GPALPP1: variants seen among roughly 807,000 people sequenced by gnomAD.
The protein encoded by GPALPP1 is GPALPP motifs-containing protein 1.
GPALPP1 carries 30 observed loss-of-function variants against 38.9 expected under a neutral mutation model. The observed-to-expected ratio is 0.77, with a 90% CI of 0.58 to 1.05. The LOEUF is 1.05. Among genes scored for constraint, GPALPP1 ranks in the 50% least tolerant of loss-of-function variants. The pLI is 0.00. For missense variants in GPALPP1, 384 were observed against 408.8 expected (o/e 0.94, Z 0.52); for synonymous variants, 120 against 139.2 (o/e 0.86, Z 0.97).
At chr13:44,994,998 G>A (rs531125379) in intron 1 of GPALPP1, among the ~76,000 whole-genome samples, 9 of 151,910 alleles carry the variant, frequency 5.9e-5, no homozygotes, top group South Asian at 4.2e-4. Context: ...GGATACAGGC[G>A]TGCACCACCA....
intron 7 of GPALPP1, among the ~76,000 whole-genome samples, chr13:45,024,262 CTG>C (rs34572145): frequency 0.18 from 4,280 of 23,702 alleles, 690 homozygotes; most frequent in African/African-American, 0.34. Flanking sequence ...CCCTAAAACT[CTG>C]TGTGTGTGTG....
At chr13:45,016,017 A>C (rs1874843222) in intron 6 of GPALPP1, among the ~76,000 whole-genome samples, 1 of 152,142 alleles carries the variant, frequency 6.6e-6, no homozygotes, top group South Asian at 2.1e-4. Context: ...ATTTTAGAAA[A>C]AAAAAACAAA....
chr13:45,028,593 G>A lies in GPALPP1; in HGVS notation c.*590G>A, dbSNP rs4942383. 140,521 of 152,424 alleles carry A rather than the reference G, an allele frequency of 0.92. 65,398 individuals are homozygous for A. The highest frequency in any genetic ancestry group is 1 in the East Asian group (5,182 of 5,184). 9.4% of individuals were successfully genotyped at this position (152,424 alleles called of 1,614,324 possible). A position where few individuals can be genotyped will look rare whatever the true frequency, so the allele number is the denominator to read the frequency against. ...AGCCTGCTTAAGATGGTGAGACCCCGTATCTACAAAAAACTAACCAGGTGC... is the reference window on the plus strand; with the variant it reads ...AGCCTGCTTAAGATGGTGAGACCCCATATCTACAAAAAACTAACCAGGTGC... On this transcript the variant is annotated 3_prime_UTR_variant, in exon 8 of 8. Coordinates refer to ENST00000379151, the MANE Select transcript of GPALPP1 (RefSeq NM_018559.5).
chr13:44,992,815 A>G (rs908534560), intron 1 of GPALPP1, among the ~76,000 whole-genome samples: 4 of 152,186 alleles, frequency 2.6e-5, no homozygotes, highest in Non-Finnish European at 5.9e-5. Context: ...TGTCATATTA[A>G]CCATTTGTAA....
chr13:44,997,663 A>G (rs1462761596), intron 1 of GPALPP1, among the ~76,000 whole-genome samples: 1 of 152,110 alleles, frequency 6.6e-6, no homozygotes, highest in Non-Finnish European at 1.5e-5. Flanking sequence ...TTTGTTTTTT[A>G]ACCTCATTGA....
intron 1 of GPALPP1, among the ~76,000 whole-genome samples, chr13:44,996,018 A>C (rs1873243269): frequency 6.6e-6 from 1 of 152,194 alleles, no homozygotes; most frequent in Non-Finnish European, 1.5e-5. Flanking sequence ...TACCCAGCAC[A>C]AAGTGGGTAC....
intron 7 of GPALPP1, among the ~76,000 whole-genome samples, chr13:45,025,680 G>C (rs1449828171): frequency 1.3e-5 from 2 of 152,108 alleles, no homozygotes; most frequent in Non-Finnish European, 2.9e-5. Flanking sequence ...ATTGTTACCA[G>C]TGTTGAAAGC....
chr13:44,991,560 A>T (rs1004640073), intron 1 of GPALPP1, among the ~76,000 whole-genome samples: 1 of 152,216 alleles, frequency 6.6e-6, no homozygotes, highest in Non-Finnish European at 1.5e-5. Flanking sequence ...CCCTGCTATA[A>T]TTCCATTCCC....
chr13:44,991,877 G>A (rs556477533), intron 1 of GPALPP1, among the ~76,000 whole-genome samples: 1 of 152,316 alleles, frequency 6.6e-6, no homozygotes, highest in Admixed American at 6.5e-5. Context: ...CATTCATGTA[G>A]ATTAGCATTA....
At chr13:45,018,976 AAT>A (rs367811904) in intron 6 of GPALPP1, among the ~76,000 whole-genome samples, 1 of 49,616 alleles carries the variant, frequency 2.0e-5, no homozygotes, top group Non-Finnish European at 5.5e-5. Context: ...TATACATATA[AAT>A]ATATATACAT....
chr13:44,992,734 C>G (rs952163199), intron 1 of GPALPP1, among the ~76,000 whole-genome samples: 2 of 152,184 alleles, frequency 1.3e-5, no homozygotes, highest in Non-Finnish European at 2.9e-5. Context: ...TATCACCTTC[C>G]TTATAAATCA....
At chr13:45,016,970 C>G (rs962638217) in intron 6 of GPALPP1, among the ~76,000 whole-genome samples, 1 of 152,192 alleles carries the variant, frequency 6.6e-6, no homozygotes, top group African/African-American at 2.4e-5. Context: ...ACATCCCATT[C>G]AATTCTCAAA....
intron 1 of GPALPP1, among the ~76,000 whole-genome samples, chr13:45,000,061 C>T (rs1276612826): frequency 6.6e-6 from 1 of 152,068 alleles, no homozygotes; most frequent in Non-Finnish European, 1.5e-5. Context: ...TCTTCATCTG[C>T]TTATTATCTT....
exon 8 of GPALPP1, chr13:45,035,347 C>T (rs1287799058): frequency 2.6e-5 from 4 of 152,248 alleles, no homozygotes; most frequent in African/African-American, 9.6e-5. Flanking sequence ...TGCTGGCCTT[C>T]CAGAATTGCC....
chr13:45,019,099 T>TTATA lies in GPALPP1; in HGVS notation c.706-1225_706-1222dup, dbSNP rs1318796681. ...TACATATAAATATATGTATATATATTTATATATATTTATATGTATATATAT... is the reference window on the plus strand; with the variant it reads ...TACATATAAATATATGTATATATATTTATATATATATATTTATATGTATATATAT... On this transcript the variant is annotated intron_variant, in intron 6 of 7. Transcript: ENST00000379151. Among the ~76,000 whole-genome samples the TTATA allele has an allele frequency of 2.1e-4, 25 of 118,258 alleles. 1 individual carries two copies. In the East Asian group the frequency reaches 6.0e-3, roughly 28 times the overall value. The allele number at this position is 118,258 out of a possible 152,430, so 77.6% of individuals were successfully genotyped here.
chr13:44,996,035 G>A (rs972738161), intron 1 of GPALPP1, among the ~76,000 whole-genome samples: 1 of 152,146 alleles, frequency 6.6e-6, no homozygotes. Context: ...GTACTCAGTA[G>A]ATTCCTTTTG....
chr13:45,034,392 G>A (rs1404016081), downstream of GPALPP1: 1 of 152,210 alleles, frequency 6.6e-6, no homozygotes, highest in Admixed American at 6.5e-5. Flanking sequence ...ACACGGTAGT[G>A]AAAGACTAGA....
intron 6 of GPALPP1, among the ~76,000 whole-genome samples, chr13:45,018,985 AC>A (rs1875108404): frequency 7.9e-5 from 7 of 88,952 alleles, no homozygotes; most frequent in Non-Finnish European, 1.8e-4. Context: ...AAATATATAT[AC>A]ATATAAATAT....
chr13:45,032,823 C>A (rs1876267039), downstream of GPALPP1, among the ~76,000 whole-genome samples: 3 of 151,306 alleles, frequency 2.0e-5, no homozygotes, highest in Admixed American at 2.0e-4. Context: ...ATTGCCTGAG[C>A]TCAGGAGTTT....
Sources: gnomAD v4.1 joint callset for allele counts (sites outside exome capture counted in the v4.1 genomes callset) on GRCh38, gnomAD v4.1.1 for gene constraint, MANE v1.5 for transcripts, NCBI Gene and HGNC (gene_info 2026-07-23, HGNC 2026-07-21) for gene names.